Variants in MIX23 observed in about 807,000 individuals in gnomAD.
MIX23 encodes protein MIX23.
In MIX23, 13 loss-of-function variants were observed where a neutral mutation model predicts 21.6. That is an observed-to-expected ratio of 0.60 (90% CI 0.39 to 0.96). The LOEUF is 0.96. MIX23 is among the 40% of genes least tolerant of loss of function. MIX23 has a pLI of 0.00. For missense variants in MIX23, 144 were observed against 171.2 expected, an observed-to-expected ratio of 0.84 and a Z score of 0.89; for synonymous variants, 59 against 58.0, an observed-to-expected ratio of 1.02 and a Z score of -0.08.
chr3:122,363,159 T>A (rs2075371980), intron 3 of MIX23, 132 bp from the exon 4 acceptor site: 4 of 679,590 alleles, frequency 5.9e-6, no homozygotes, highest in Non-Finnish European at 7.4e-6. Context: ...AGTATTTTTG[T>A]CTGTTAATGG....
intron 4 of MIX23, among the ~76,000 whole-genome samples, chr3:122,360,608 T>A (rs1576227802): frequency 6.6e-6 from 1 of 152,266 alleles, no homozygotes; most frequent in East Asian, 1.9e-4. Context: ...AAAACATTTT[T>A]AATATTAAAA....
intron 4 of MIX23, among the ~76,000 whole-genome samples, chr3:122,360,815 T>G (rs2075352785): frequency 6.6e-6 from 1 of 151,950 alleles, no homozygotes; most frequent in Non-Finnish European, 1.5e-5. Flanking sequence ...AACACAGAGG[T>G]TGTGAGGTAC....
intron 1 of MIX23, among the ~76,000 whole-genome samples, chr3:122,377,004 AC>A (rs2075492735): frequency 6.6e-6 from 1 of 151,940 alleles, no homozygotes; most frequent in South Asian, 2.1e-4. Context: ...CCATGGCAAA[AC>A]CCCGTCTTTA....
chr3:122,360,310 T>TA (rs1378760757), intron 4 of MIX23, among the ~76,000 whole-genome samples: 3 of 152,206 alleles, frequency 2.0e-5, no homozygotes, highest in African/African-American at 7.2e-5. Flanking sequence ...GGAACTGTGT[T>TA]AAATAAAAAT....
intron 1 of MIX23, among the ~76,000 whole-genome samples, chr3:122,375,038 G>A (rs1489411294): frequency 2.0e-5 from 3 of 152,168 alleles, no homozygotes; most frequent in Non-Finnish European, 4.4e-5. Context: ...CTGAGGCAAG[G>A]TAGGAGGATT....
chr3:122,378,961 T>A (rs1371883997), intron 1 of MIX23, among the ~76,000 whole-genome samples: 1 of 152,228 alleles, frequency 6.6e-6, no homozygotes, highest in Non-Finnish European at 1.5e-5. Context: ...GGAGATAGCA[T>A]AAATGCAAAA....
rs527562300 is a variant in MIX23, at chr3:122,359,830, TAAAAAAAAAAAAA to T, written c.*26_*38del. ...AGCTCTTATGAGATGACCCAGTCCT[TAAAAAAAAAAAAA>T]AAAAAAAAAAAAAAAGAATCTCTCT... On this transcript the variant is annotated 3_prime_UTR_variant, in exon 5 of 5. Transcript: ENST00000291458. 1,561 of 1,006,238 alleles carry T rather than the reference TAAAAAAAAAAAAA, an allele frequency of 1.6e-3. 4 individuals carry two copies. The highest frequency in any genetic ancestry group is 3.3e-3 in the South Asian group (186 of 56,134). 62.3% of individuals were successfully genotyped at this position (1,006,238 alleles called of 1,614,324 possible).
At chr3:122,363,052 T>G in intron 3 of MIX23, 25 bp from the exon 4 acceptor site, 4 of 1,583,516 alleles carry the variant, frequency 2.5e-6, no homozygotes, top group Non-Finnish European at 3.4e-6. Flanking sequence ...AAAATTGAAG[T>G]TATAAAATTT....
intron 1 of MIX23, among the ~76,000 whole-genome samples, chr3:122,376,724 T>C (rs551842072): frequency 5.3e-5 from 8 of 152,024 alleles, no homozygotes; most frequent in Non-Finnish European, 8.8e-5. Flanking sequence ...GAAAATCAAA[T>C]ACCAAATGTG....
intron 3 of MIX23, among the ~76,000 whole-genome samples, chr3:122,363,316 A>C (rs2075373656): frequency 6.7e-6 from 1 of 148,660 alleles, no homozygotes; most frequent in African/African-American, 2.6e-5. Context: ...GACATACAAA[A>C]GGCCAGTAAA....
At chr3:122,381,218 G>A (rs1198471305) in intron 1 of MIX23, among the ~76,000 whole-genome samples, 1 of 151,594 alleles carries the variant, frequency 6.6e-6, no homozygotes, top group Non-Finnish European at 1.5e-5. Context: ...CTTAGATTAC[G>A]TTCCTTGTTT....
intron 3 of MIX23, 47 bp downstream of exon 3, chr3:122,368,129 C>T (rs775465391): frequency 1.9e-6 from 3 of 1,589,986 alleles, no homozygotes; most frequent in East Asian, 4.5e-5. Context: ...TTGAAGGCTA[C>T]AATTGGAAAA....
chr3:122,379,405 A>G (rs1453922756), intron 1 of MIX23, among the ~76,000 whole-genome samples: 2 of 152,332 alleles, frequency 1.3e-5, no homozygotes, highest in Middle Eastern at 3.4e-3. Flanking sequence ...CCAGGCTCAC[A>G]TTTCTTCACA....
chr3:122,364,906 C>T (rs1348965848), intron 3 of MIX23, among the ~76,000 whole-genome samples: 1 of 152,134 alleles, frequency 6.6e-6, no homozygotes, highest in Non-Finnish European at 1.5e-5. Flanking sequence ...CAAAATCAGA[C>T]TTTTCAGAAC....
intron 1 of MIX23, among the ~76,000 whole-genome samples, chr3:122,379,631 T>C (rs761573042): frequency 1.5e-4 from 23 of 152,060 alleles, no homozygotes; most frequent in Non-Finnish European, 2.8e-4. Context: ...AGAAAATACA[T>C]AGAAGACACC....
At chr3:122,381,740 A>T (rs1057042887) in intron 1 of MIX23, among the ~76,000 whole-genome samples, 3 of 151,914 alleles carry the variant, frequency 2.0e-5, no homozygotes, top group Non-Finnish European at 4.4e-5. Context: ...AAAAAAAAAA[A>T]AAAAAGAAGA....
intron 1 of MIX23, among the ~76,000 whole-genome samples, chr3:122,380,908 C>T (rs1345465457): frequency 1.3e-5 from 2 of 152,118 alleles, no homozygotes; most frequent in African/African-American, 4.8e-5. Flanking sequence ...TCCTAAAGCA[C>T]CTCTTCGATC....
chr3:122,379,748 G>A (rs1251121712), intron 1 of MIX23, among the ~76,000 whole-genome samples: 1 of 152,168 alleles, frequency 6.6e-6, no homozygotes, highest in Non-Finnish European at 1.5e-5. Flanking sequence ...ATCTTGTGTA[G>A]AACCCTCATG....
chr3:122,377,937 TAG>T (rs1292133998), intron 1 of MIX23, among the ~76,000 whole-genome samples: 3 of 152,300 alleles, frequency 2.0e-5, no homozygotes, highest in Admixed American at 6.5e-5. Flanking sequence ...GCCATATAAA[TAG>T]AGTGTTTAAT....
Sources: gnomAD v4.1 joint callset for allele counts (sites outside exome capture counted in the v4.1 genomes callset) on GRCh38, gnomAD v4.1.1 for gene constraint, MANE v1.5 for transcripts, NCBI Gene and HGNC (gene_info 2026-07-23, HGNC 2026-07-21) for gene names.